ADAM10: variants seen among roughly 807,000 people sequenced by gnomAD.
The protein encoded by ADAM10 is ADAM metallopeptidase domain 10.
ADAM10 carries 17 observed loss-of-function variants against 90.1 expected under a neutral mutation model. That is an observed-to-expected ratio of 0.19 (90% CI 0.13 to 0.28). The LOEUF (loss-of-function observed/expected upper bound fraction) is 0.28. Among genes scored for constraint, ADAM10 ranks in the 10% least tolerant of loss-of-function variants. The probability of loss-of-function intolerance (pLI) is 1.00; values close to 1 mark genes in which losing one functional copy is unlikely to be tolerated. For synonymous variants in ADAM10, 310 were observed against 298.6 expected (o/e 1.04, Z -0.40); for missense variants, 610 against 914.3 (o/e 0.67, Z 4.29).
chr15:58,644,355 AAAC>A (rs1360465295), intron 6 of ADAM10, among the ~76,000 whole-genome samples: 1 of 151,174 alleles, frequency 6.6e-6, no homozygotes, highest in African/African-American at 2.4e-5. Flanking sequence ...TCAGCCTCCC[AAAC>A]AACTGGGATT....
Position 58,720,853 on chromosome 15 carries a change from A to G in ADAM10, c.56-3126T>C, listed in dbSNP as rs546557015. On this transcript the variant is annotated intron_variant, in intron 1 of 15. Coordinates refer to ENST00000260408, the MANE Select transcript of ADAM10 (RefSeq NM_001110.4). Reference sequence around the variant, plus strand: ...TGGGGAAGAATGAGAACTTTTGAATAATTTCTTTCATTTTGAAAATTTCCA... The same window carrying G: ...TGGGGAAGAATGAGAACTTTTGAATGATTTCTTTCATTTTGAAAATTTCCA... Among the ~76,000 whole-genome samples the G allele has an allele frequency of 8.5e-5, 13 of 152,324 alleles. No homozygotes were observed. In the East Asian group the frequency reaches 2.3e-3, roughly 27 times the overall value.
chr15:58,608,624 T>A (rs534767911), intron 14 of ADAM10, among the ~76,000 whole-genome samples: 2 of 152,324 alleles, frequency 1.3e-5, no homozygotes, highest in South Asian at 4.1e-4. Flanking sequence ...AACTTGAAAG[T>A]GTCTGATTAA....
rs148808859 is a variant in ADAM10 at position 58,710,629 on chromosome 15, C to A, written c.206+6948G>T. ...TTAACTAACGTATGTTGCACTATAC[C>A]TGACACGAAGTAGGTACTAAATAAA... On this transcript the variant is annotated intron_variant, in intron 2 of 15. Coordinates refer to ENST00000260408, the MANE Select transcript of ADAM10 (RefSeq NM_001110.4). Among the ~76,000 whole-genome samples, 1,152 of 152,278 alleles carry A rather than the reference C, an allele frequency of 7.6e-3. 9 individuals are homozygous for A. Among genetic ancestry groups the A allele is most frequent in the African/African-American group, 0.026 (1,098 of 41,542 alleles).
intron 10 of ADAM10, among the ~76,000 whole-genome samples, chr15:58,624,726 T>C (rs1373605587): frequency 6.6e-6 from 1 of 152,064 alleles, no homozygotes; most frequent in East Asian, 1.9e-4. Flanking sequence ...AGAGACAGGG[T>C]TTCGCTACAT....
At chr15:58,730,477 TAAAC>T (rs1202790499) in intron 1 of ADAM10, among the ~76,000 whole-genome samples, 1 of 151,438 alleles carries the variant, frequency 6.6e-6, no homozygotes, top group East Asian at 1.9e-4. Context: ...GTAAGTCACT[TAAAC>T]ACTTAGTTTC....
intron 12 of ADAM10, chr15:58,611,338 A>T: frequency 2.0e-6 from 1 of 501,560 alleles, no homozygotes; most frequent in South Asian, 2.3e-5. Flanking sequence ...ATGGCAACTT[A>T]AAAAAATGAA....
At chr15:58,651,863 C>G (rs1039718685) in intron 5 of ADAM10, among the ~76,000 whole-genome samples, 3 of 152,144 alleles carry the variant, frequency 2.0e-5, no homozygotes, top group African/African-American at 7.2e-5. Flanking sequence ...GCATTCCCAC[C>G]AACAGTGTGT....
intron 9 of ADAM10, among the ~76,000 whole-genome samples, chr15:58,630,471 G>A (rs893663980): frequency 1.3e-5 from 2 of 152,302 alleles, no homozygotes; most frequent in African/African-American, 2.4e-5. Context: ...AGCAATATTA[G>A]AAAGTAGTAG....
intron 12 of ADAM10, 66 bp downstream of exon 12, chr15:58,611,742 T>C (rs1895444571): frequency 6.9e-7 from 1 of 1,447,786 alleles, no homozygotes; most frequent in East Asian, 2.3e-5. Context: ...GCTTTAAGCA[T>C]CAATAATTCT....
At chr15:58,747,968 AAGAT>A (rs1899844912) in intron 1 of ADAM10, 1 of 152,234 alleles carries the variant, frequency 6.6e-6, no homozygotes, top group African/African-American at 2.4e-5. Flanking sequence ...AAAGTGAAAA[AAGAT>A]AGGAAAACGA....
At chr15:58,682,445 A>AC (rs773115340) in intron 2 of ADAM10, 131 bp from the exon 3 acceptor site, 81 of 1,396,444 alleles carry the variant, frequency 5.8e-5, no homozygotes, top group Non-Finnish European at 7.6e-5. Flanking sequence ...AAATACGCTG[A>AC]CCAAGATTTT....
intron 2 of ADAM10, among the ~76,000 whole-genome samples, chr15:58,715,550 G>T (rs542535408): frequency 2.0e-5 from 3 of 151,954 alleles, no homozygotes; most frequent in Non-Finnish European, 4.4e-5. Flanking sequence ...CATTTTATCT[G>T]TAATGTAACA....
intron 1 of ADAM10, among the ~76,000 whole-genome samples, chr15:58,746,280 T>G (rs1899789268): frequency 6.6e-6 from 1 of 152,176 alleles, no homozygotes; most frequent in Non-Finnish European, 1.5e-5. Context: ...AAATGTTCCA[T>G]TTGCCCCAAG....
intron 13 of ADAM10, 136 bp from the exon 14 acceptor site, chr15:58,610,653 A>C (rs1895413616): frequency 9.3e-6 from 8 of 861,660 alleles, no homozygotes; most frequent in Non-Finnish European, 1.3e-5. Flanking sequence ...GACCTTCTCT[A>C]GTTAGGCTGG....
chr15:58,640,688 T>G (rs1331387613), intron 8 of ADAM10, 89 bp downstream of exon 8: 1 of 1,268,450 alleles, frequency 7.9e-7, no homozygotes, highest in Non-Finnish European at 1.1e-6. Context: ...AGGCATCACT[T>G]TCTCCTATAC....
chr15:58,679,230 T>A lies in ADAM10; in HGVS notation c.378A>T (p.Gly126=), dbSNP rs1242028955. 6 of 1,614,076 alleles carry A rather than the reference T, an allele frequency of 3.7e-6. No homozygotes were observed. The highest frequency in any genetic ancestry group is 1.7e-5 in the Admixed American group (1 of 60,026). The change falls in exon 4 of 16, where the codon GGA becomes GGT. Residue 126 remains glycine (G), a synonymous_variant. Transcript: ENST00000260408. The stretch of plus-strand genomic sequence containing the variant: ...ATGTGCCACCACGAGTCTGGATGAA[T>A]CCTTCAAATCTTCCATCAATAACAG... ...HGSVIDGRFE[G]FIQTRGGTFY... is the part of the protein sequence containing the mutation.
chr15:58,682,756 G>T (rs28637832), intron 2 of ADAM10, among the ~76,000 whole-genome samples: 43,010 of 151,938 alleles, frequency 0.28, 8,735 homozygotes, highest in African/African-American at 0.57. Context: ...GCATCTATAT[G>T]GGGTATTTAA....
intron 5 of ADAM10, among the ~76,000 whole-genome samples, chr15:58,657,670 C>G (rs1411117231): frequency 2.0e-5 from 3 of 152,190 alleles, no homozygotes; most frequent in Non-Finnish European, 4.4e-5. Flanking sequence ...TCACCTATCT[C>G]TGGATCCATT....
At chr15:58,689,354 T>C (rs1443295259) in intron 2 of ADAM10, among the ~76,000 whole-genome samples, 2 of 152,094 alleles carry the variant, frequency 1.3e-5, no homozygotes, top group African/African-American at 4.8e-5. Flanking sequence ...GGCATGGTGG[T>C]GTGCATCTGT....
Sources: gnomAD v4.1 joint callset for allele counts (sites outside exome capture counted in the v4.1 genomes callset) on GRCh38, gnomAD v4.1.1 for gene constraint, MANE v1.5 for transcripts, NCBI Gene and HGNC (gene_info 2026-07-23, HGNC 2026-07-21) for gene names.